The following PLCB1 variants were observed in gnomAD, a reference collection of about 807,000 sequenced individuals.
PLCB1 encodes the protein phospholipase C beta 1.
Under a neutral mutation model 161.8 loss-of-function variants are expected in PLCB1, and 46 were observed. The observed-to-expected ratio is 0.28, with a 90% CI of 0.22 to 0.36. PLCB1 has a LOEUF of 0.36. Among genes scored for constraint, PLCB1 ranks in the 10% least tolerant of loss-of-function variants. The pLI is 1.00. For synonymous variants in PLCB1, 517 were observed against 503.7 expected, an observed-to-expected ratio of 1.03 and a Z score of -0.35; for missense variants, 1,016 against 1,472.5, an observed-to-expected ratio of 0.69 and a Z score of 5.07.
At chr20:8,248,811 T>C (rs1245913730) in intron 2 of PLCB1, 2 of 151,920 alleles carry the variant, frequency 1.3e-5, no homozygotes, top group Admixed American at 6.6e-5. Context: ...GATTAGAGTA[T>C]TAGTAGGTGA....
At chr20:8,315,354 T>A (rs922985885) in intron 2 of PLCB1, among the ~76,000 whole-genome samples, 4 of 152,300 alleles carry the variant, frequency 2.6e-5, no homozygotes, top group Admixed American at 1.3e-4. Flanking sequence ...CTTTAGTTTG[T>A]TTTTCCAGAT....
intron 3 of PLCB1, among the ~76,000 whole-genome samples, chr20:8,542,197 G>GT (rs1446888221): frequency 1.3e-5 from 2 of 152,100 alleles, no homozygotes; most frequent in Admixed American, 1.3e-4. Flanking sequence ...TTCCACGACC[G>GT]GTTCTTTCCT....
intron 2 of PLCB1, among the ~76,000 whole-genome samples, chr20:8,177,975 A>G (rs62199963): frequency 0.19 from 28,813 of 151,902 alleles, 2,960 homozygotes; most frequent in African/African-American, 0.28. Flanking sequence ...GCGTTAGTTC[A>G]CTTAGGGTAA....
At chr20:8,874,421 C>A (rs180919786) in intron 31 of PLCB1, among the ~76,000 whole-genome samples, 2 of 151,894 alleles carry the variant, frequency 1.3e-5, no homozygotes, top group East Asian at 3.9e-4. Context: ...AATTGTGCAT[C>A]CTTAGTAGGA....
intron 2 of PLCB1, among the ~76,000 whole-genome samples, chr20:8,266,135 A>G (rs2123252612): frequency 6.6e-6 from 1 of 152,338 alleles, no homozygotes; most frequent in Non-Finnish European, 1.5e-5. Context: ...CATTGCTACA[A>G]TAATGCTATG....
intron 16 of PLCB1, 32 bp downstream of exon 16, chr20:8,724,784 C>A (rs771637098): frequency 8.9e-7 from 1 of 1,123,950 alleles, no homozygotes; most frequent in Non-Finnish European, 1.4e-6. Context: ...ACCCCTCTTG[C>A]AGCATATAAT....
At chr20:8,531,983 A>G (rs1053019914) in intron 3 of PLCB1, among the ~76,000 whole-genome samples, 3 of 152,182 alleles carry the variant, frequency 2.0e-5, no homozygotes, top group African/African-American at 7.2e-5. Context: ...AGTGAGTTTA[A>G]TGCTAAAATC....
intron 27 of PLCB1, among the ~76,000 whole-genome samples, chr20:8,786,044 C>A (rs1470152781): frequency 1.3e-5 from 2 of 151,984 alleles, no homozygotes; most frequent in African/African-American, 2.4e-5. Context: ...AGGCCCTACC[C>A]CTAGACATTT....
At position 8,603,589 on chromosome 20, in the gene PLCB1, A is replaced by G. The variant is rs75003977; in HGVS notation, c.247-24705A>G. Among the ~76,000 whole-genome samples, 1,341 of 152,308 alleles carry G rather than the reference A, an allele frequency of 8.8e-3. 17 individuals are homozygous for G. Among genetic ancestry groups the G allele is most frequent in the African/African-American group, 0.03 (1,250 of 41,562 alleles). The stretch of plus-strand genomic sequence containing the variant: ...CAGTCCCTAGACCAGCAACATCAGC[A>G]TCCCTTGGGAACTTGTTAGAAATGC... On this transcript the variant is annotated intron_variant, in intron 3 of 31. Transcript: ENST00000338037.
intron 11 of PLCB1, among the ~76,000 whole-genome samples, chr20:8,706,797 C>G (rs555137977): frequency 3.3e-5 from 5 of 152,254 alleles, no homozygotes; most frequent in African/African-American, 1.2e-4. Flanking sequence ...TATCTCTGCA[C>G]CTTAGTTGAA....
chr20:8,247,356 C>T (rs1980927472), intron 2 of PLCB1, among the ~76,000 whole-genome samples: 1 of 151,890 alleles, frequency 6.6e-6, no homozygotes, highest in African/African-American at 2.4e-5. Flanking sequence ...TTCTCTAACT[C>T]ATTCATTCAA....
intron 2 of PLCB1, among the ~76,000 whole-genome samples, chr20:8,167,634 T>C (rs1004817454): frequency 2.6e-5 from 4 of 152,234 alleles, no homozygotes; most frequent in Non-Finnish European, 5.9e-5. Flanking sequence ...GAATGTATAA[T>C]TAAATCTGCT....
At chr20:8,880,001 T>C (rs1324833287) in intron 31 of PLCB1, among the ~76,000 whole-genome samples, 2 of 151,994 alleles carry the variant, frequency 1.3e-5, no homozygotes, top group African/African-American at 4.8e-5. Flanking sequence ...CCAAGAGCTA[T>C]TGAGAAACGC....
At chr20:8,370,665 G>A (rs1057406030) in intron 2 of PLCB1, among the ~76,000 whole-genome samples, 1 of 151,952 alleles carries the variant, frequency 6.6e-6, no homozygotes, top group East Asian at 1.9e-4. Context: ...TTTTCTCTGA[G>A]CCCCTAGGAA....
intron 31 of PLCB1, among the ~76,000 whole-genome samples, chr20:8,860,913 T>C (rs1439125288): frequency 6.6e-6 from 1 of 152,246 alleles, no homozygotes; most frequent in African/African-American, 2.4e-5. Context: ...CACAACTTTC[T>C]TAGAGGTATC....
chr20:8,504,262 T>C (rs1334192514), intron 3 of PLCB1, among the ~76,000 whole-genome samples: 2 of 152,100 alleles, frequency 1.3e-5, no homozygotes, highest in African/African-American at 4.8e-5. Context: ...AAAAAGCATA[T>C]GACGAATCAC....
At chr20:8,735,223 G>A (rs929532141) in intron 19 of PLCB1, among the ~76,000 whole-genome samples, 3 of 152,120 alleles carry the variant, frequency 2.0e-5, no homozygotes, top group Admixed American at 6.5e-5. Context: ...TTGCAGATTC[G>A]TCTTGTTTTG....
At chr20:8,143,027 C>T (rs1184496319) in intron 1 of PLCB1, among the ~76,000 whole-genome samples, 2 of 152,184 alleles carry the variant, frequency 1.3e-5, no homozygotes, top group African/African-American at 2.4e-5. Flanking sequence ...CACCACTCCC[C>T]TTTCTTTTAA....
chr20:8,485,433 T>C (rs1801538258), intron 3 of PLCB1, among the ~76,000 whole-genome samples: 1 of 152,218 alleles, frequency 6.6e-6, no homozygotes, highest in African/African-American at 2.4e-5. Flanking sequence ...GAAAAGATAA[T>C]GTATTTAAAT....
Sources: gnomAD v4.1 joint callset for allele counts (sites outside exome capture counted in the v4.1 genomes callset) on GRCh38, gnomAD v4.1.1 for gene constraint, MANE v1.5 for transcripts, NCBI Gene and HGNC (gene_info 2026-07-23, HGNC 2026-07-21) for gene names.